MTMR3: variants seen among roughly 807,000 people sequenced by gnomAD.
MTMR3 encodes the protein myotubularin related protein 3.
Under a neutral mutation model 132.4 loss-of-function variants are expected in MTMR3, and 32 were observed. The observed-to-expected ratio is 0.24, with a 90% CI of 0.18 to 0.32. The LOEUF (loss-of-function observed/expected upper bound fraction) is 0.32. Among genes scored for constraint, MTMR3 ranks in the 10% least tolerant of loss-of-function variants. MTMR3 has a pLI of 1.00. For synonymous variants in MTMR3, 556 were observed against 550.3 expected, an observed-to-expected ratio of 1.01 and a Z score of -0.14; for missense variants, 1,216 against 1,489.6, an observed-to-expected ratio of 0.82 and a Z score of 3.02.
chr22:29,910,927 A>G (rs1162624036), intron 1 of MTMR3, among the ~76,000 whole-genome samples: 1 of 152,218 alleles, frequency 6.6e-6, no homozygotes, highest in Non-Finnish European at 1.5e-5. Context: ...TTTTATGTTT[A>G]GTAGGATTAT....
At chr22:29,917,703 C>T (rs1425768363) in intron 1 of MTMR3, among the ~76,000 whole-genome samples, 1 of 152,210 alleles carries the variant, frequency 6.6e-6, no homozygotes, top group African/African-American at 2.4e-5. Context: ...TATTTATTGA[C>T]AAATGAGGAC....
At chr22:30,018,097 C>T (rs1416043970) in intron 16 of MTMR3, 25 bp downstream of exon 16, 2 of 1,575,890 alleles carry the variant, frequency 1.3e-6, no homozygotes, top group East Asian at 2.3e-5. Context: ...ATGCCACAGG[C>T]CTGACAGCCT....
intron 1 of MTMR3, among the ~76,000 whole-genome samples, chr22:29,891,512 A>G (rs924283480): frequency 1.6e-4 from 25 of 151,904 alleles, no homozygotes; most frequent in African/African-American, 6.0e-4. Flanking sequence ...GCTCACTGCA[A>G]CCTCTGCCTC....
chr22:29,915,985 A>G (rs185167049), intron 1 of MTMR3, among the ~76,000 whole-genome samples: 1 of 152,252 alleles, frequency 6.6e-6, no homozygotes, highest in Admixed American at 6.5e-5. Context: ...CCTTCAAATT[A>G]TATACCACTT....
At chr22:29,935,445 C>G (rs763956307) in intron 1 of MTMR3, among the ~76,000 whole-genome samples, 2 of 152,188 alleles carry the variant, frequency 1.3e-5, no homozygotes, top group Non-Finnish European at 2.9e-5. Context: ...TAAAAACTAA[C>G]ATTTAAAAAA....
At chr22:29,904,117 G>A (rs1160420360) in intron 1 of MTMR3, among the ~76,000 whole-genome samples, 2 of 152,196 alleles carry the variant, frequency 1.3e-5, no homozygotes, top group Non-Finnish European at 2.9e-5. Context: ...AACAATGTTG[G>A]TGATCCAAGT....
chr22:29,907,799 A>G (rs1220175513), intron 1 of MTMR3, among the ~76,000 whole-genome samples: 1 of 151,834 alleles, frequency 6.6e-6, no homozygotes, highest in African/African-American at 2.4e-5. Flanking sequence ...TTTTTTTTTG[A>G]TACACACTTT....
At chr22:30,025,377 G>A (rs1238171630) in intron 19 of MTMR3, 2 of 532,490 alleles carry the variant, frequency 3.8e-6, no homozygotes, top group Admixed American at 6.3e-5. Context: ...GTATACCTGA[G>A]CAGCATTCTT....
intron 1 of MTMR3, among the ~76,000 whole-genome samples, chr22:29,953,097 C>T (rs536605473): frequency 7.9e-5 from 12 of 152,218 alleles, no homozygotes; most frequent in African/African-American, 1.4e-4. Flanking sequence ...ATTTTAACAG[C>T]GAAAGTGAAA....
intron 19 of MTMR3, 39 bp downstream of exon 19, chr22:30,022,736 G>A: frequency 6.4e-7 from 1 of 1,559,760 alleles, no homozygotes. Flanking sequence ...GCTGTGTGTG[G>A]AGGTTGAGGG....
rs115571386 is a variant in MTMR3, at chr22:29,900,033, A to G, written c.-138+16674A>G. 3.3e-3 allele frequency among the ~76,000 whole-genome samples: 499 copies of G among 152,348 alleles called. 1 individual carries two copies. Among genetic ancestry groups the G allele is most frequent in the African/African-American group, 0.011 (475 of 41,570 alleles). Reference sequence around the variant, plus strand: ...TTCATATGTGAATACACTTAATGATAAGCCATTTAACCTTTTTATTATGAT... The same window carrying G: ...TTCATATGTGAATACACTTAATGATGAGCCATTTAACCTTTTTATTATGAT... On this transcript the variant is annotated intron_variant, in intron 1 of 19. Transcript: ENST00000401950.
At chr22:29,914,305 C>G (rs5763601) in intron 1 of MTMR3, among the ~76,000 whole-genome samples, 6,186 of 152,230 alleles carry the variant, frequency 0.041, 372 homozygotes, top group South Asian at 0.24. Flanking sequence ...TCTAGTGGGT[C>G]TGTAGCAATA....
At chr22:29,925,663 C>T (rs1602486877) in intron 1 of MTMR3, among the ~76,000 whole-genome samples, 1 of 151,858 alleles carries the variant, frequency 6.6e-6, no homozygotes, top group Admixed American at 6.6e-5. Context: ...TGCCTGTAAT[C>T]CCAGCAATTT....
At chr22:29,935,155 T>G (rs958298549) in intron 1 of MTMR3, among the ~76,000 whole-genome samples, 3 of 152,216 alleles carry the variant, frequency 2.0e-5, no homozygotes, top group African/African-American at 7.2e-5. Flanking sequence ...ATTCTATTTC[T>G]TTTGAGAGGT....
chr22:29,987,452 C>T (rs2066881123), intron 5 of MTMR3: 1 of 152,234 alleles, frequency 6.6e-6, no homozygotes. Context: ...TTGCAACTCC[C>T]AGAGCCACAT....
At chr22:29,895,635 C>A (rs1489705807) in intron 1 of MTMR3, among the ~76,000 whole-genome samples, 3 of 152,114 alleles carry the variant, frequency 2.0e-5, no homozygotes, top group African/African-American at 7.2e-5. Context: ...AAGAATTGGA[C>A]CCTTTCTGTG....
At chr22:29,937,777 C>T (rs1408280397) in intron 1 of MTMR3, among the ~76,000 whole-genome samples, 2 of 152,060 alleles carry the variant, frequency 1.3e-5, no homozygotes, top group Non-Finnish European at 2.9e-5. Context: ...AAATGCATTT[C>T]ATAAATTGTA....
At chr22:29,950,084 C>G (rs2066044767) in intron 1 of MTMR3, among the ~76,000 whole-genome samples, 1 of 152,174 alleles carries the variant, frequency 6.6e-6, no homozygotes, top group African/African-American at 2.4e-5. Context: ...AAAGGTAGAC[C>G]TTGGAAATAG....
chr22:29,953,371 A>G (rs1319503146), intron 1 of MTMR3, among the ~76,000 whole-genome samples: 1 of 152,192 alleles, frequency 6.6e-6, no homozygotes, highest in African/African-American at 2.4e-5. Flanking sequence ...TAAACGGTAC[A>G]AATTGGTGTG....
Sources: gnomAD v4.1 joint callset for allele counts (sites outside exome capture counted in the v4.1 genomes callset) on GRCh38, gnomAD v4.1.1 for gene constraint, MANE v1.5 for transcripts, NCBI Gene and HGNC (gene_info 2026-07-23, HGNC 2026-07-21) for gene names.